The following MICAL2 variants were observed in gnomAD, a reference collection of about 807,000 sequenced individuals.
MICAL2 encodes the protein [F-actin]-monooxygenase MICAL2.
Under a neutral mutation model 127.3 loss-of-function variants are expected in MICAL2, and 77 were observed. That is an observed-to-expected ratio of 0.60 (90% CI 0.50 to 0.73). MICAL2 has a LOEUF of 0.73. Among genes scored for constraint, MICAL2 ranks in the 30% least tolerant of loss-of-function variants. The pLI is 0.00. For missense variants in MICAL2, 1,351 were observed against 1,434.4 expected (o/e 0.94, Z 0.94); for synonymous variants, 570 against 551.1 (o/e 1.03, Z -0.48).
intron 1 of MICAL2, chr11:12,121,404 A>G (rs1850498252): frequency 6.5e-6 from 1 of 152,718 alleles, no homozygotes; most frequent in Admixed American, 6.5e-5. Context: ...CACCTCCTCC[A>G]AAGAAAGCGC....
At chr11:12,293,977 C>T (rs1439742193), downstream of MICAL2, 2 of 1,614,026 alleles carry the variant, frequency 1.2e-6, no homozygotes, top group South Asian at 2.2e-5. Context: ...AGAAGTTAGT[C>T]CTCACTCAGG....
At chr11:12,206,058 G>GA (rs1418534906) in intron 4 of MICAL2, among the ~76,000 whole-genome samples, 3 of 152,204 alleles carry the variant, frequency 2.0e-5, no homozygotes, top group Non-Finnish European at 2.9e-5. Context: ...TTTGAGATGA[G>GA]AAAATTCCAG....
At chr11:12,281,816 C>G (rs547752038) in intron 2 of MICAL2, among the ~76,000 whole-genome samples, 1 of 152,324 alleles carries the variant, frequency 6.6e-6, no homozygotes, top group Non-Finnish European at 1.5e-5. Flanking sequence ...AGGTAGCTGT[C>G]TTTAGCAGCC....
intron 32 of MICAL2, among the ~76,000 whole-genome samples, chr11:12,329,109 C>T (rs936455603): frequency 6.6e-6 from 1 of 152,186 alleles, no homozygotes; most frequent in Admixed American, 6.5e-5. Flanking sequence ...ATGTAATATC[C>T]ATAGCCAGTG....
chr11:12,262,610 C>A, intron 27 of MICAL2, 73 bp downstream of exon 27: 1 of 1,254,070 alleles, frequency 8.0e-7, no homozygotes. Flanking sequence ...CCGTCCTCTC[C>A]GCCAGCAGTA....
chr11:12,354,766 G>T (rs1307342545), intron 33 of MICAL2: 1 of 1,611,308 alleles, frequency 6.2e-7, no homozygotes, highest in Non-Finnish European at 8.5e-7. Context: ...CATAAAATTT[G>T]AACATTTTCT....
chr11:12,319,755 ACCT>A (rs1185942462), exon 30 of MICAL2: 3 of 1,613,756 alleles, frequency 1.9e-6, no homozygotes, highest in African/African-American at 1.3e-5. Context: ...TGCCTCTTCA[ACCT>A]CCTCCTCCTC....
chr11:12,142,379 G>A (rs894708371), intron 2 of MICAL2, among the ~76,000 whole-genome samples: 3 of 152,238 alleles, frequency 2.0e-5, no homozygotes, highest in Admixed American at 6.5e-5. Flanking sequence ...GACAGGAAAT[G>A]AAGGCTATAA....
intron 21 of MICAL2, 120 bp downstream of exon 21, chr11:12,244,232 T>A (rs575635039): frequency 1.5e-6 from 2 of 1,345,008 alleles, no homozygotes; most frequent in Admixed American, 3.5e-5. Context: ...ATTTGTAAGA[T>A]ATTTTACACC....
chr11:12,339,170 C>A (rs559380965), intron 32 of MICAL2, among the ~76,000 whole-genome samples: 1 of 152,190 alleles, frequency 6.6e-6, no homozygotes, highest in Admixed American at 6.5e-5. Flanking sequence ...ACTCTTTTTT[C>A]TCTAAACTTC....
chr11:12,156,731 G>A (rs534074097), intron 2 of MICAL2, among the ~76,000 whole-genome samples: 1 of 152,348 alleles, frequency 6.6e-6, no homozygotes, highest in African/African-American at 2.4e-5. Context: ...TGGGCTCTGT[G>A]GGGATGCACC....
downstream of MICAL2, chr11:12,358,816 C>T (rs1264386793): frequency 5.9e-6 from 1 of 170,770 alleles, no homozygotes; most frequent in African/African-American, 2.4e-5. Context: ...TTTTCCTTCC[C>T]AATTCATTGA....
intron 2 of MICAL2, among the ~76,000 whole-genome samples, chr11:12,154,427 G>A (rs1853941521): frequency 6.6e-6 from 1 of 152,170 alleles, no homozygotes; most frequent in South Asian, 2.1e-4. Context: ...CTTGGAATGT[G>A]TATGTAAGAG....
At chr11:12,126,176 G>A (rs1208400210) in intron 1 of MICAL2, among the ~76,000 whole-genome samples, 1 of 152,242 alleles carries the variant, frequency 6.6e-6, no homozygotes, top group Non-Finnish European at 1.5e-5. Flanking sequence ...TGTAATCTCG[G>A]TTTAGTGATA....
At chr11:12,208,280 T>C (rs1854984071) in intron 5 of MICAL2, 141 bp downstream of exon 5, 1 of 587,964 alleles carries the variant, frequency 1.7e-6, no homozygotes, top group Non-Finnish European at 2.8e-6. Context: ...GGTATTTTAC[T>C]GTTTTTTTTT....
chr11:12,273,762 G>A (rs893021688), upstream of MICAL2, among the ~76,000 whole-genome samples: 1 of 152,130 alleles, frequency 6.6e-6, no homozygotes, highest in African/African-American at 2.4e-5. Context: ...AGCTGAGACG[G>A]CCAGCCACAG....
chr11:12,311,976 A>G (rs534168294), intron 29 of MICAL2, among the ~76,000 whole-genome samples: 1 of 151,934 alleles, frequency 6.6e-6, no homozygotes, highest in South Asian at 2.1e-4. Context: ...TGTGTTTCCA[A>G]TGAATTTATT....
chr11:12,189,959 A>G (rs1004519604), intron 3 of MICAL2, among the ~76,000 whole-genome samples: 2 of 152,256 alleles, frequency 1.3e-5, no homozygotes, highest in African/African-American at 2.4e-5. Context: ...AATCATGGGC[A>G]GTCGGGATGG....
At chr11:12,155,274 A>G (rs573413924) in intron 2 of MICAL2, among the ~76,000 whole-genome samples, 3 of 152,092 alleles carry the variant, frequency 2.0e-5, no homozygotes, top group Admixed American at 6.5e-5. Flanking sequence ...ATATATATGT[A>G]TATGATATAT....
Sources: gnomAD v4.1 joint callset for allele counts (sites outside exome capture counted in the v4.1 genomes callset) on GRCh38, gnomAD v4.1.1 for gene constraint, MANE v1.5 for transcripts, NCBI Gene and HGNC (gene_info 2026-07-23, HGNC 2026-07-21) for gene names.